DTNA: variants seen among roughly 807,000 people sequenced by gnomAD.
DTNA encodes dystrobrevin alpha.
In DTNA, 43 loss-of-function variants were observed where a neutral mutation model predicts 100.7. That is an observed-to-expected ratio of 0.43 (90% CI 0.33 to 0.55). DTNA has a LOEUF of 0.55. Ranked by LOEUF, DTNA falls within the 20% of genes least tolerant of loss-of-function variation. DTNA has a pLI of 0.04. For missense variants in DTNA, 798 were observed against 953.9 expected (o/e 0.84, Z 2.15); for synonymous variants, 349 against 347.9 (o/e 1.00, Z -0.04).
intron 1 of DTNA, among the ~76,000 whole-genome samples, chr18:34,729,177 G>A (rs185199958): frequency 3.3e-5 from 5 of 152,310 alleles, no homozygotes; most frequent in East Asian, 1.9e-4. Context: ...GTCAGTCCTC[G>A]TGGAATTATA....
At chr18:34,558,592 A>G (rs4511610) in intron 1 of DTNA, among the ~76,000 whole-genome samples, 16,078 of 152,226 alleles carry the variant, frequency 0.11, 1,275 homozygotes, top group African/African-American at 0.21. Context: ...TATGTGATGC[A>G]AATAAAAAAT....
At chr18:34,791,804 C>A (rs2094756127) in intron 3 of DTNA, among the ~76,000 whole-genome samples, 2 of 152,146 alleles carry the variant, frequency 1.3e-5, no homozygotes, top group South Asian at 4.1e-4. Flanking sequence ...ATCTATAATG[C>A]ATTGTCTGCT....
chr18:34,639,218 A>G (rs2058992379), intron 1 of DTNA, among the ~76,000 whole-genome samples: 1 of 152,182 alleles, frequency 6.6e-6, no homozygotes, highest in Non-Finnish European at 1.5e-5. Context: ...TTTCAGGCAA[A>G]TCATCCTTTG....
chr18:34,703,903 C>G (rs974192437), intron 1 of DTNA, among the ~76,000 whole-genome samples: 5 of 152,138 alleles, frequency 3.3e-5, no homozygotes, highest in Non-Finnish European at 5.9e-5. Context: ...TTTCTATTCT[C>G]CCCTTCTTGG....
chr18:34,580,409 G>A (rs2048501498), intron 1 of DTNA, among the ~76,000 whole-genome samples: 1 of 151,998 alleles, frequency 6.6e-6, no homozygotes, highest in African/African-American at 2.4e-5. Context: ...TAAAAGCACA[G>A]AAATAAATAA....
intron 1 of DTNA, among the ~76,000 whole-genome samples, chr18:34,612,074 A>C (rs1180289864): frequency 2.0e-5 from 3 of 152,108 alleles, no homozygotes; most frequent in Non-Finnish European, 4.4e-5. Context: ...GCCAGCTGAC[A>C]CGGGCCACCG....
chr18:34,795,842 C>A (rs1372125331), intron 4 of DTNA, among the ~76,000 whole-genome samples: 2 of 152,142 alleles, frequency 1.3e-5, no homozygotes, highest in Admixed American at 1.3e-4. Context: ...AGGATTCACA[C>A]AAATATAGTT....
intron 1 of DTNA, among the ~76,000 whole-genome samples, chr18:34,520,538 C>T (rs1231080704): frequency 6.6e-6 from 1 of 152,014 alleles, no homozygotes; most frequent in Non-Finnish European, 1.5e-5. Context: ...CCTGTAATTC[C>T]AGCTACTAGG....
At chr18:34,594,095 A>G (rs570442336) in intron 1 of DTNA, among the ~76,000 whole-genome samples, 1 of 151,894 alleles carries the variant, frequency 6.6e-6, no homozygotes, top group South Asian at 2.1e-4. Flanking sequence ...AATAGAAGTT[A>G]TTTTTTAGTG....
chr18:34,720,398 A>G (rs1464912179), intron 1 of DTNA, among the ~76,000 whole-genome samples: 1 of 152,240 alleles, frequency 6.6e-6, no homozygotes, highest in East Asian at 1.9e-4. Flanking sequence ...TGAAAGAACA[A>G]TGCCTCTGTT....
intron 1 of DTNA, among the ~76,000 whole-genome samples, chr18:34,682,827 T>G (rs2078318150): frequency 6.6e-6 from 1 of 152,118 alleles, no homozygotes; most frequent in Non-Finnish European, 1.5e-5. Flanking sequence ...CAAGGTTTGT[T>G]TTTTTAAAAA....
At chr18:34,695,694 T>C (rs1051304576) in intron 1 of DTNA, among the ~76,000 whole-genome samples, 2 of 152,222 alleles carry the variant, frequency 1.3e-5, no homozygotes, top group African/African-American at 4.8e-5. Context: ...TTTAACATAA[T>C]GTCCTTCTCT....
At chr18:34,806,112 T>C in intron 4 of DTNA, 107 bp from the exon 5 acceptor site, 1 of 959,136 alleles carries the variant, frequency 1.0e-6, no homozygotes, top group East Asian at 2.6e-5. Context: ...TATCCTGTGA[T>C]TTCTACAGAA....
At position 34,888,806 on chromosome 18, in the gene DTNA, G is replaced by T. The variant is rs1159334393; in HGVS notation, c.*1072G>T. The T allele has an allele frequency of 1.0e-6, 1 of 985,742 alleles. No homozygotes were observed. The highest frequency in any genetic ancestry group is 1.2e-6 in the Non-Finnish European group (1 of 829,952). 61.1% of individuals were successfully genotyped at this position (985,742 alleles called of 1,614,324 possible). On this transcript the variant is annotated 3_prime_UTR_variant, in exon 23 of 23. Coordinates refer to ENST00000444659, the MANE Select transcript of DTNA (RefSeq NM_001386795.1). ...AAGTTCCCCCATCAAGTTGTTTGGA[G>T]GCCTTCAGCTTTAAATGTACAGGCT...
intron 1 of DTNA, chr18:34,662,827 A>C (rs2075376562): frequency 6.6e-6 from 1 of 152,360 alleles, no homozygotes; most frequent in South Asian, 2.1e-4. Flanking sequence ...TTGTCTCAAC[A>C]ACCTTAATAT....
chr18:34,860,220 G>GTTTTTTT lies in DTNA; in HGVS notation c.1646+1845_1646+1851dup, dbSNP rs55673388. On this transcript the variant is annotated intron_variant, in intron 16 of 22. Transcript: ENST00000444659. ...TGCCACCACGCCCGGCTAATTTTTT[G>GTTTTTTT]TTTTTTTTTTTTTTTTTTTTTTTTT... Among the ~76,000 whole-genome samples the GTTTTTTT allele has an allele frequency of 3.2e-4, 26 of 80,278 alleles. 2 individuals are homozygous for GTTTTTTT. Among genetic ancestry groups the GTTTTTTT allele is most frequent in the Non-Finnish European group, 3.9e-4 (16 of 41,504 alleles). 52.7% of individuals were successfully genotyped at this position (80,278 alleles called of 152,430 possible).
chr18:34,683,287 G>T (rs1198110568), intron 1 of DTNA, among the ~76,000 whole-genome samples: 2 of 152,138 alleles, frequency 1.3e-5, no homozygotes, highest in Admixed American at 1.3e-4. Context: ...CCCAGTGTCT[G>T]TCTTTCTTGA....
intron 1 of DTNA, among the ~76,000 whole-genome samples, chr18:34,685,303 G>GT (rs1322820484): frequency 6.6e-6 from 1 of 152,080 alleles, no homozygotes; most frequent in Non-Finnish European, 1.5e-5. Flanking sequence ...TCCATCTTGA[G>GT]TTAATTTTTG....
intron 13 of DTNA, among the ~76,000 whole-genome samples, chr18:34,847,750 T>C (rs1363944470): frequency 2.6e-5 from 4 of 152,216 alleles, no homozygotes; most frequent in African/African-American, 9.6e-5. Context: ...CCATGGTCTT[T>C]TTATAATCTC....
Sources: gnomAD v4.1 joint callset for allele counts (sites outside exome capture counted in the v4.1 genomes callset) on GRCh38, gnomAD v4.1.1 for gene constraint, MANE v1.5 for transcripts, NCBI Gene and HGNC (gene_info 2026-07-23, HGNC 2026-07-21) for gene names.